The following PIR variants were observed in gnomAD, a reference collection of about 807,000 sequenced individuals.
The protein encoded by PIR is pirin, also known as pirin (iron-binding nuclear protein).
Under a neutral mutation model 24.2 loss-of-function variants are expected in PIR, and 22 were observed. That is an observed-to-expected ratio of 0.91 (90% CI 0.65 to 1.30). The LOEUF (loss-of-function observed/expected upper bound fraction) is 1.30, where lower values mean the gene tolerates loss of function less well. PIR is among the 50% of genes most tolerant of loss of function. The probability of loss-of-function intolerance (pLI) is 0.00; values close to 1 mark genes in which losing one functional copy is unlikely to be tolerated. For synonymous variants in PIR, 80 were observed against 79.6 expected, an observed-to-expected ratio of 1.00 and a Z score of -0.03; for missense variants, 220 against 220.3, an observed-to-expected ratio of 1.00 and a Z score of 0.01.
intron 1 of PIR, 128 bp from the exon 2 acceptor site, chrX:15,491,437 T>G (rs745968289): frequency 5.3e-6 from 2 of 378,636 alleles, no homozygotes; most frequent in Non-Finnish European, 9.1e-6. Context: ...TCTTACTATG[T>G]GCAGGGCCTG....
At chrX:15,410,970 G>A (rs926591039) in intron 6 of PIR, among the ~76,000 whole-genome samples, 2 of 112,259 alleles carry the variant, frequency 1.8e-5, no homozygotes, top group African/African-American at 6.5e-5. Context: ...TTTAACAACA[G>A]CCACAGAAGA....
At chrX:15,456,654 G>T (rs1204333608) in intron 4 of PIR, among the ~76,000 whole-genome samples, 1 of 112,543 alleles carries the variant, frequency 8.9e-6, no homozygotes, top group South Asian at 3.6e-4. Context: ...AAGGGAAGCC[G>T]TTGTGAGCCA....
At chrX:15,478,813 A>G (rs1373174488) in intron 3 of PIR, among the ~76,000 whole-genome samples, 1 of 110,721 alleles carries the variant, frequency 9.0e-6, no homozygotes, top group Non-Finnish European at 1.9e-5. Flanking sequence ...AACACACAAC[A>G]CACCCTAACA....
At chrX:15,484,455 C>T (rs939242950) in intron 2 of PIR, among the ~76,000 whole-genome samples, 14 of 107,933 alleles carry the variant, frequency 1.3e-4, no homozygotes, top group South Asian at 8.4e-4. Flanking sequence ...GCTGGGACTA[C>T]AGGTGCCAGC....
At chrX:15,417,176 T>C (rs1196716414) in intron 6 of PIR, among the ~76,000 whole-genome samples, 1 of 111,581 alleles carries the variant, frequency 9.0e-6, no homozygotes, top group Non-Finnish European at 1.9e-5. Flanking sequence ...TCACAAACTT[T>C]TGGCCTTGAG....
At chrX:15,441,685 C>A (rs1925919750) in intron 5 of PIR, among the ~76,000 whole-genome samples, 1 of 111,498 alleles carries the variant, frequency 9.0e-6, no homozygotes, top group African/African-American at 3.3e-5. Context: ...GAGGGGGAGG[C>A]AGGAGGTGGG....
chrX:15,437,977 AT>A, intron 5 of PIR, among the ~76,000 whole-genome samples: 1 of 112,563 alleles, frequency 8.9e-6, no homozygotes, highest in Middle Eastern at 4.6e-3. Flanking sequence ...TAAAGTTTGT[AT>A]GTTACTGCTT....
intron 2 of PIR, among the ~76,000 whole-genome samples, chrX:15,489,370 C>T (rs771813475): frequency 1.5e-4 from 17 of 112,112 alleles, no homozygotes; most frequent in Non-Finnish European, 3.0e-4. Flanking sequence ...TAAAACATTG[C>T]TTTCAGAAGA....
rs185510107 is a variant in PIR, at chrX:15,454,549, T to C, written c.480+1299A>G. On this transcript the variant is annotated intron_variant, in intron 5 of 9. Transcript: ENST00000380420. ...ATAGTTCAGGAAATACAAAAACTGG[T>C]AAGTCCCAACCAATAACCATGACCA... Among the ~76,000 whole-genome samples the C allele has an allele frequency of 3.9e-3, 428 of 109,752 alleles. 2 individuals carry two copies. Among genetic ancestry groups the C allele is most frequent in the African/African-American group, 0.014 (415 of 30,153 alleles).
At chrX:15,450,065 G>T (rs180990708) in intron 5 of PIR, among the ~76,000 whole-genome samples, 1 of 111,674 alleles carries the variant, frequency 9.0e-6, no homozygotes, top group East Asian at 2.8e-4. Context: ...AAATATGTAA[G>T]CATTTCTATC....
intron 8 of PIR, among the ~76,000 whole-genome samples, chrX:15,393,149 C>T (rs1249137412): frequency 8.9e-6 from 1 of 112,370 alleles, no homozygotes; most frequent in African/African-American, 3.2e-5. Context: ...CGTTCACCAT[C>T]TTTTGGCACC....
intron 3 of PIR, among the ~76,000 whole-genome samples, chrX:15,469,347 C>T (rs867314388): frequency 8.9e-6 from 1 of 111,753 alleles, no homozygotes; most frequent in Non-Finnish European, 1.9e-5. Context: ...TTCTTTCTTT[C>T]GTTCTGGCCC....
intron 7 of PIR, among the ~76,000 whole-genome samples, chrX:15,405,954 C>T (rs1924537073): frequency 1.8e-5 from 2 of 112,801 alleles, no homozygotes; most frequent in African/African-American, 6.4e-5. Context: ...GGCAATTGAA[C>T]ATCCTTTTTG....
At chrX:15,423,907 A>G (rs765712999) in intron 6 of PIR, among the ~76,000 whole-genome samples, 160 of 112,184 alleles carry the variant, frequency 1.4e-3, no homozygotes, top group Non-Finnish European at 2.1e-3. Context: ...GCTGTTATCA[A>G]AAAGGGAATA....
rs185050006 is a variant in PIR, at chrX:15,406,242, G to A, written c.610+1264C>T. Among the ~76,000 whole-genome samples the A allele has an allele frequency of 5.3e-5, 6 of 112,599 alleles. No homozygotes were observed. In the East Asian group the frequency reaches 8.4e-4, roughly 16 times the overall value. On this transcript the variant is annotated intron_variant, in intron 7 of 9. Transcript: ENST00000380420. ...TCTGTGGGGATGAGGAGGAGAAAAC[G>A]AGGGGCTGGTTCTCTGAGCTGTCTC...
chrX:15,468,515 C>T (rs893424349), intron 3 of PIR, among the ~76,000 whole-genome samples: 3 of 112,525 alleles, frequency 2.7e-5, no homozygotes, highest in Non-Finnish European at 5.6e-5. Flanking sequence ...AGACTCATGT[C>T]GATTTTCCTT....
intron 5 of PIR, among the ~76,000 whole-genome samples, chrX:15,433,345 A>C (rs1925572506): frequency 9.1e-6 from 1 of 109,524 alleles, no homozygotes; most frequent in Non-Finnish European, 1.9e-5. Flanking sequence ...CAGAGACACA[A>C]GAATGTATTA....
intron 6 of PIR, among the ~76,000 whole-genome samples, chrX:15,411,766 A>G (rs1003412023): frequency 1.8e-5 from 2 of 111,580 alleles, no homozygotes; most frequent in African/African-American, 6.5e-5. Flanking sequence ...CAAGAGGCAG[A>G]CCTGCCTGGT....
Position 15,390,203 on chromosome X carries a change from C to A in PIR, c.742G>T (p.Glu248Ter). 1 of 1,141,060 alleles carries A rather than the reference C, an allele frequency of 8.8e-7. No individual in the cohort carries two copies. Among genetic ancestry groups the A allele is most frequent in the South Asian group, 2.1e-5 (1 of 48,084 alleles). The allele number at this position is 1,141,060 out of a possible 1,213,427, so 94.0% of individuals were successfully genotyped here. Residue 248 changes from glutamate to a stop codon, truncating the protein, a stop_gained, in exon 9 of 10, where the codon GAA (glutamate) becomes TAA (stop). Transcript: ENST00000380420. LOFTEE classifies it high-confidence loss of function. ...GTCTTACCATGTTGGATAACTGGTT[C>A]TCTTAATGGCTCCCCAGCAATTAAG... ...FVLIAGEPLR[E>*]PVIQHGPFVM...
Sources: gnomAD v4.1 joint callset for allele counts (sites outside exome capture counted in the v4.1 genomes callset) on GRCh38, gnomAD v4.1.1 for gene constraint, MANE v1.5 for transcripts, NCBI Gene and HGNC (gene_info 2026-07-23, HGNC 2026-07-21) for gene names.